UTRN: variants seen among roughly 807,000 people sequenced by gnomAD.
UTRN encodes the protein dystrophin-related protein 1.
Under a neutral mutation model 463.9 loss-of-function variants are expected in UTRN, and 283 were observed. The observed-to-expected ratio is 0.61, with a 90% confidence interval of 0.55 to 0.67. UTRN has a LOEUF of 0.67. Ranked by LOEUF, UTRN falls within the 30% of genes least tolerant of loss-of-function variation. UTRN has a pLI of 0.00. For missense variants in UTRN, 3,922 were observed against 4,084.3 expected (o/e 0.96, Z 1.08); for synonymous variants, 1,442 against 1,431.5 (o/e 1.01, Z -0.17).
At chr6:144,634,345 C>T (rs754715160) in intron 51 of UTRN, among the ~76,000 whole-genome samples, 1 of 152,140 alleles carries the variant, frequency 6.6e-6, no homozygotes, top group Non-Finnish European at 1.5e-5. Context: ...GACTGTCCGT[C>T]AGGGTCATCT....
chr6:144,783,874 A>G (rs1776074889), intron 61 of UTRN, among the ~76,000 whole-genome samples: 1 of 152,218 alleles, frequency 6.6e-6, no homozygotes, highest in Non-Finnish European at 1.5e-5. Context: ...ACCATAATGA[A>G]TACGGGATTT....
intron 39 of UTRN, among the ~76,000 whole-genome samples, chr6:144,517,827 T>C (rs1795759373): frequency 6.6e-6 from 1 of 152,208 alleles, no homozygotes; most frequent in Admixed American, 6.5e-5. Context: ...GTAAGGGCAC[T>C]CTATGATGTT....
chr6:144,803,247 AT>A, intron 65 of UTRN, 100 bp downstream of exon 65: 1 of 754,384 alleles, frequency 1.3e-6, no homozygotes, highest in Non-Finnish European at 1.8e-6. Flanking sequence ...TTTTGAAAAA[AT>A]ATCACTTTGA....
At chr6:144,390,402 A>G (rs768357554) in intron 2 of UTRN, among the ~76,000 whole-genome samples, 1 of 152,038 alleles carries the variant, frequency 6.6e-6, no homozygotes, top group African/African-American at 2.4e-5. Flanking sequence ...CCATGAGTCC[A>G]TTTTTCATGT....
At chr6:144,589,102 AG>A (rs1802755920) in intron 51 of UTRN, among the ~76,000 whole-genome samples, 1 of 152,254 alleles carries the variant, frequency 6.6e-6, no homozygotes, top group Non-Finnish European at 1.5e-5. Context: ...CTTATGTGAA[AG>A]TATGGCTTCA....
chr6:144,493,505 CTCTCAA>C, intron 33 of UTRN, 49 bp downstream of exon 33: 1 of 1,549,940 alleles, frequency 6.5e-7, no homozygotes, highest in South Asian at 1.2e-5. Flanking sequence ...CTCTCTCTCT[CTCTCAA>C]TCTCTCTCTC....
At chr6:144,484,572 A>G (rs1792239941) in intron 27 of UTRN, among the ~76,000 whole-genome samples, 1 of 149,384 alleles carries the variant, frequency 6.7e-6, no homozygotes, top group South Asian at 2.1e-4. Flanking sequence ...CCTCCCGAGT[A>G]GCTGGGATTA....
In UTRN at chr6:144,539,424, T is replaced by C. The variant is rs1476327023; in HGVS notation, c.6500T>C (p.Val2167Ala). 6.2e-7 allele frequency: 1 copy of C among 1,608,202 alleles called. No individual in the cohort carries two copies. The highest frequency in any genetic ancestry group is 1.3e-5 in the African/African-American group (1 of 74,664). Residue 2167 changes from valine (V) to alanine (A), a missense_variant, in exon 45 of 75, where the codon GTA becomes GCA. Transcript: ENST00000367545. ...RDKISESLRT[V>A]NMTWNKICRE... ...AAAATTTCAGAAAGCTTAAGGACTG[T>C]AAATATGACATGGAATAAGGTGTGT...
At chr6:144,699,996 A>G (rs1784419863) in intron 52 of UTRN, 91 bp from the exon 53 acceptor site, 7 of 1,313,282 alleles carry the variant, frequency 5.3e-6, no homozygotes, top group Non-Finnish European at 6.0e-6. Context: ...TGGTCAGATA[A>G]GATTATTATG....
At chr6:144,670,603 A>T (rs758164921) in intron 51 of UTRN, among the ~76,000 whole-genome samples, 1 of 151,320 alleles carries the variant, frequency 6.6e-6, no homozygotes, top group Non-Finnish European at 1.5e-5. Context: ...TCCTCTTCTG[A>T]TTGTTTCTTT....
At chr6:144,598,085 G>A (rs1803842504) in intron 51 of UTRN, among the ~76,000 whole-genome samples, 1 of 152,204 alleles carries the variant, frequency 6.6e-6, no homozygotes, top group Non-Finnish European at 1.5e-5. Context: ...AACGAAAAGA[G>A]TCAAACTCTG....
chr6:144,452,777 A>G (rs34998630), intron 18 of UTRN, among the ~76,000 whole-genome samples: 5,357 of 151,040 alleles, frequency 0.035, 272 homozygotes, highest in African/African-American at 0.11. Flanking sequence ...CTCTACAAAA[A>G]GTAAAAAAAA....
At chr6:144,725,229 C>T (rs1787737929) in intron 53 of UTRN, among the ~76,000 whole-genome samples, 1 of 152,206 alleles carries the variant, frequency 6.6e-6, no homozygotes, top group Non-Finnish European at 1.5e-5. Flanking sequence ...GCTGTCTTGC[C>T]TCCCGCCATG....
intron 60 of UTRN, among the ~76,000 whole-genome samples, chr6:144,777,598 A>T (rs544080445): frequency 2.6e-5 from 4 of 152,214 alleles, no homozygotes; most frequent in African/African-American, 9.6e-5. Flanking sequence ...CTTTTAGACC[A>T]CACATATGTA....
chr6:144,809,411 A>G (rs953051934), intron 65 of UTRN, among the ~76,000 whole-genome samples: 2 of 152,162 alleles, frequency 1.3e-5, no homozygotes, highest in Non-Finnish European at 2.9e-5. Flanking sequence ...GGAGTGAAAA[A>G]TTCCAAGGTG....
chr6:144,824,769 G>GT (rs1780016201), intron 66 of UTRN, among the ~76,000 whole-genome samples: 1 of 125,830 alleles, frequency 7.9e-6, no homozygotes, highest in African/African-American at 3.0e-5. Flanking sequence ...TGTGAAGTTG[G>GT]TGGTGGGGGG....
chr6:144,701,820 G>A (rs1784618635), intron 53 of UTRN, among the ~76,000 whole-genome samples: 1 of 152,020 alleles, frequency 6.6e-6, no homozygotes, highest in African/African-American at 2.4e-5. Flanking sequence ...TTGAACCCTT[G>A]TGACTAGATT....
intron 74 of UTRN, 38 bp downstream of exon 74, chr6:144,846,865 T>C: frequency 6.2e-7 from 1 of 1,613,344 alleles, no homozygotes; most frequent in Non-Finnish European, 8.5e-7. Context: ...ATGTTACTGA[T>C]CCCAACCTAG....
chr6:144,595,608 T>A (rs1803561828), intron 51 of UTRN, among the ~76,000 whole-genome samples: 1 of 152,186 alleles, frequency 6.6e-6, no homozygotes, highest in Non-Finnish European at 1.5e-5. Flanking sequence ...GTCCATGTCT[T>A]CAGAGCAGGA....
Sources: gnomAD v4.1 joint callset for allele counts (sites outside exome capture counted in the v4.1 genomes callset) on GRCh38, gnomAD v4.1.1 for gene constraint, MANE v1.5 for transcripts, NCBI Gene and HGNC (gene_info 2026-07-23, HGNC 2026-07-21) for gene names.